ARHGAP39: variants seen among roughly 807,000 people sequenced by gnomAD.
ARHGAP39 encodes the protein Rho GTPase activating protein 39.
ARHGAP39 carries 44 observed loss-of-function variants against 106.9 expected under a neutral mutation model. That is an observed-to-expected ratio of 0.41 (90% CI 0.32 to 0.53). The LOEUF (loss-of-function observed/expected upper bound fraction) is 0.53. Ranked by LOEUF, ARHGAP39 falls within the 20% of genes least tolerant of loss-of-function variation. ARHGAP39 has a pLI of 0.21. For synonymous variants in ARHGAP39, 768 were observed against 693.2 expected (o/e 1.11, Z -1.69); for missense variants, 1,496 against 1,577.3 (o/e 0.95, Z 0.87).
chr8:144,613,676 T>C (rs970092138), intron 1 of ARHGAP39, among the ~76,000 whole-genome samples: 1 of 152,152 alleles, frequency 6.6e-6, no homozygotes, highest in East Asian at 1.9e-4. Flanking sequence ...AGTAACTCGA[T>C]GATGATGTGC....
At chr8:144,637,541 C>T (rs1563718590) in intron 1 of ARHGAP39, among the ~76,000 whole-genome samples, 1 of 152,190 alleles carries the variant, frequency 6.6e-6, no homozygotes, top group Non-Finnish European at 1.5e-5. Context: ...ACCCGGGAGG[C>T]AGAGGTTGCA....
intron 3 of ARHGAP39, among the ~76,000 whole-genome samples, chr8:144,567,262 G>C (rs967091452): frequency 1.3e-5 from 2 of 152,180 alleles, no homozygotes; most frequent in African/African-American, 4.8e-5. Flanking sequence ...TCATAACCTA[G>C]GAAAAACCAG....
intron 3 of ARHGAP39, among the ~76,000 whole-genome samples, chr8:144,568,571 G>T (rs1282121460): frequency 6.6e-6 from 1 of 152,096 alleles, no homozygotes; most frequent in Admixed American, 6.6e-5. Flanking sequence ...CTCTTTAAAT[G>T]ATAACTGACT....
At chr8:144,695,124 A>G in the ARHGAP39 span, among the ~76,000 whole-genome samples, 2 of 100,062 alleles carry the variant, frequency 2.0e-5, no homozygotes, top group Non-Finnish European at 4.2e-5. Flanking sequence ...GCCCAGGCTG[A>G]AGTGCAGTTG....
intron 2 of ARHGAP39, among the ~76,000 whole-genome samples, chr8:144,603,289 G>A (rs577543569): frequency 3.3e-4 from 50 of 151,528 alleles, no homozygotes; most frequent in African/African-American, 8.7e-4. Context: ...GTGTGTGTGC[G>A]TGCTCGTGTA....
chr8:144,690,364 C>T (rs987260998), upstream of ARHGAP39, among the ~76,000 whole-genome samples: 1 of 152,140 alleles, frequency 6.6e-6, no homozygotes, highest in African/African-American at 2.4e-5. Flanking sequence ...CGTTGGCCTC[C>T]CAAAGTGTTG....
intron 3 of ARHGAP39, among the ~76,000 whole-genome samples, chr8:144,562,986 G>T (rs552722256): frequency 6.6e-6 from 1 of 152,372 alleles, no homozygotes; most frequent in South Asian, 2.1e-4. Context: ...AGTGACCAAA[G>T]AATTAGCCTC....
intron 4 of ARHGAP39, among the ~76,000 whole-genome samples, 169 bp downstream of exon 4, chr8:144,555,391 C>G (rs1817878166): frequency 6.6e-6 from 1 of 152,238 alleles, no homozygotes; most frequent in Non-Finnish European, 1.5e-5. Context: ...TGGGGCAGCT[C>G]TAAGGGGCTC....
intron 1 of ARHGAP39, among the ~76,000 whole-genome samples, chr8:144,672,045 T>G (rs557878284): frequency 6.6e-6 from 1 of 152,344 alleles, no homozygotes; most frequent in East Asian, 1.9e-4. Flanking sequence ...TTCCGGCACA[T>G]GCTGTAAACG....
intron 3 of ARHGAP39, among the ~76,000 whole-genome samples, chr8:144,576,024 C>T (rs780992946): frequency 2.6e-4 from 40 of 152,144 alleles, no homozygotes; most frequent in African/African-American, 8.7e-4. Flanking sequence ...TAATTCAACG[C>T]AATTCTAGTC....
intron 2 of ARHGAP39, among the ~76,000 whole-genome samples, chr8:144,600,227 C>G (rs1473360669): frequency 7.6e-6 from 1 of 132,042 alleles, no homozygotes; most frequent in South Asian, 2.4e-4. Flanking sequence ...GGCATGTGTG[C>G]AAGCTCGTGT....
At chr8:144,687,987 T>C (rs189256203), upstream of ARHGAP39, among the ~76,000 whole-genome samples, 634 of 148,968 alleles carry the variant, frequency 4.3e-3, 27 homozygotes, top group Admixed American at 0.037. Flanking sequence ...GACCACATAC[T>C]AGCGGTGAGC....
chr8:144,580,258 T>C (rs559061139), intron 3 of ARHGAP39, among the ~76,000 whole-genome samples: 1 of 109,228 alleles, frequency 9.2e-6, no homozygotes, highest in South Asian at 2.9e-4. Flanking sequence ...GTGTCCACAC[T>C]GATCTACACC....
At chr8:144,606,396 G>A (rs1045033671) in intron 1 of ARHGAP39, among the ~76,000 whole-genome samples, 2 of 152,202 alleles carry the variant, frequency 1.3e-5, no homozygotes, top group Non-Finnish European at 2.9e-5. Flanking sequence ...ACACGACGAG[G>A]ATGAAGATCT....
chr8:144,646,553 G>T lies in ARHGAP39; in HGVS notation c.-82+39133C>A, dbSNP rs1821449042. Among the ~76,000 whole-genome samples, 1 of 152,180 alleles carries T rather than the reference G, an allele frequency of 6.6e-6. No homozygotes were observed. The highest frequency in any genetic ancestry group is 1.5e-5 in the Non-Finnish European group (1 of 68,028). On this transcript the variant is annotated intron_variant, in intron 1 of 11. Coordinates refer to ENST00000377307, the MANE Select transcript of ARHGAP39 (RefSeq NM_025251.3). The surrounding 1 kb of genome is among the most constrained non-coding windows in gnomAD (Gnocchi z 5.7). ...ATCGGCTGCCTCTGAGAACAACTGG[G>T]GTGGGCACAGGCTGGCGGGCATGGA...
chr8:144,639,520 A>G (rs1368734618), intron 1 of ARHGAP39, among the ~76,000 whole-genome samples: 1 of 152,152 alleles, frequency 6.6e-6, no homozygotes, highest in Non-Finnish European at 1.5e-5. Context: ...TTGGTAGAGC[A>G]TCTTTTTATT....
chr8:144,573,427 C>T lies in ARHGAP39; in HGVS notation c.512+7419G>A, dbSNP rs536292445. Among the ~76,000 whole-genome samples the T allele has an allele frequency of 4.5e-5, 5 of 110,252 alleles. No individual in the cohort carries two copies. In the East Asian group the frequency reaches 1.2e-3, roughly 26 times the overall value. The allele number at this position is 110,252 out of a possible 152,430, so 72.3% of individuals were successfully genotyped here. A position where few individuals can be genotyped will look rare whatever the true frequency, so the allele number is the denominator to read the frequency against. On this transcript the variant is annotated intron_variant, in intron 3 of 11. Transcript: ENST00000377307. Reference sequence around the variant, plus strand: ...ACAATGAGAACACTTGGACACAGGGCGGGGAACATCACACACCACGGCCTG... The same window carrying T: ...ACAATGAGAACACTTGGACACAGGGTGGGGAACATCACACACCACGGCCTG...
Position 144,556,543 on chromosome 8 carries a change from A to G in ARHGAP39, c.513-900T>C, listed in dbSNP as rs1366634753. On this transcript the variant is annotated intron_variant, in intron 3 of 11. Coordinates refer to ENST00000377307, the MANE Select transcript of ARHGAP39 (RefSeq NM_025251.3). ...AGGCCTTCATAGTATTCAGCGGCAA[A>G]AGCCTGAACCTTCATAGTATTCAGA... 2.0e-5 allele frequency among the ~76,000 whole-genome samples: 3 copies of G among 152,344 alleles called. No homozygotes were observed. The East Asian group carries it at 5.8e-4, about 29-fold the overall frequency.
At chr8:144,550,190 C>T (rs925155024) in intron 4 of ARHGAP39, among the ~76,000 whole-genome samples, 2 of 152,146 alleles carry the variant, frequency 1.3e-5, no homozygotes, top group Non-Finnish European at 2.9e-5. Context: ...GGGAGGATCG[C>T]TTAAGCTCAG....
Sources: allele counts gnomAD v4.1 joint callset (sites outside exome capture counted in the v4.1 genomes callset), GRCh38; gene constraint gnomAD v4.1.1; non-coding constraint Gnocchi (gnomAD v3.1); transcripts MANE v1.5; gene names NCBI Gene and HGNC (gene_info 2026-07-23, HGNC 2026-07-21).